Variants in PPP2R2C observed in about 807,000 individuals in gnomAD.
The protein encoded by PPP2R2C is protein phosphatase 2, regulatory subunit B, gamma.
A neutral mutation model predicts 45.3 loss-of-function variants in PPP2R2C; 10 were observed. That is an observed-to-expected ratio of 0.22 (90% CI 0.14 to 0.37). The LOEUF (loss-of-function observed/expected upper bound fraction) is 0.37, where lower values mean the gene tolerates loss of function less well. Ranked by LOEUF, PPP2R2C falls within the 10% of genes least tolerant of loss-of-function variation. The pLI, the probability that PPP2R2C is intolerant of heterozygous loss-of-function variation, is 1.00. For synonymous variants in PPP2R2C, 257 were observed against 245.4 expected (o/e 1.05, Z -0.44); for missense variants, 308 against 619.7 (o/e 0.50, Z 5.34).
intron 1 of PPP2R2C, among the ~76,000 whole-genome samples, chr4:6,549,186 C>T (rs1725096346): frequency 1.3e-5 from 2 of 152,130 alleles, no homozygotes; most frequent in Non-Finnish European, 2.9e-5. Flanking sequence ...TCTCACTTTG[C>T]CCCCCACAAA....
Position 6,542,051 on chromosome 4 carries a change from C to T in PPP2R2C, c.-58-6674G>A, listed in dbSNP as rs114396994. ...ATCCAGGAGCTAAGTCAAATGCACT[C>T]GTGATCACAATGAAAGACCACAGTA... is the stretch of plus-strand genomic sequence containing the variant. On this transcript the variant is annotated intron_variant, in intron 1 of 9. Transcript: ENST00000506140. 5.4e-3 allele frequency among the ~76,000 whole-genome samples: 830 copies of T among 152,350 alleles called. 6 individuals carry two copies. The highest frequency in any genetic ancestry group is 0.019 in the African/African-American group (770 of 41,582).
intron 1 of PPP2R2C, among the ~76,000 whole-genome samples, chr4:6,453,815 C>T (rs1720872419): frequency 6.6e-6 from 1 of 152,182 alleles, no homozygotes; most frequent in Non-Finnish European, 1.5e-5. Context: ...GCAAGCACAG[C>T]CCCACCGAGG....
At chr4:6,446,536 A>G (rs1720429675) in intron 1 of PPP2R2C, among the ~76,000 whole-genome samples, 1 of 152,182 alleles carries the variant, frequency 6.6e-6, no homozygotes, top group Non-Finnish European at 1.5e-5. Flanking sequence ...TGGCATAAAA[A>G]TCAGGTAAGA....
rs1560438575 is a variant in PPP2R2C, at chr4:6,324,601, C to T, written c.1053-1008G>A. Among the ~76,000 whole-genome samples the T allele has an allele frequency of 6.6e-6, 1 of 152,214 alleles. No homozygotes were observed. The highest frequency in any genetic ancestry group is 1.5e-5 in the Non-Finnish European group (1 of 68,040). On this transcript the variant is annotated intron_variant, in intron 8 of 8. Transcript: ENST00000382599. The surrounding 1 kb of genome is among the most constrained non-coding windows in gnomAD (Gnocchi z 4.1). Reference sequence around the variant, plus strand: ...GCTTCCCTCCAGGGGCCCGCCTGTCCCGAGGACTCGGGCGAATAAACAAAC... The same window carrying T: ...GCTTCCCTCCAGGGGCCCGCCTGTCTCGAGGACTCGGGCGAATAAACAAAC...
At chr4:6,446,341 G>A (rs1423470943) in intron 1 of PPP2R2C, among the ~76,000 whole-genome samples, 1 of 152,094 alleles carries the variant, frequency 6.6e-6, no homozygotes, top group East Asian at 1.9e-4. Context: ...ACGTTTTCCA[G>A]TCGTAGCTTC....
chr4:6,503,693 A>T (rs1723130106), intron 2 of PPP2R2C, among the ~76,000 whole-genome samples: 2 of 152,170 alleles, frequency 1.3e-5, no homozygotes, highest in African/African-American at 4.8e-5. Flanking sequence ...TGGCAACTTC[A>T]TTCCTAACAG....
chr4:6,562,814 C>T (rs1471139329), intron 1 of PPP2R2C, among the ~76,000 whole-genome samples: 2 of 152,120 alleles, frequency 1.3e-5, no homozygotes, highest in Non-Finnish European at 2.9e-5. Flanking sequence ...GGCAGCGTCT[C>T]GGGCCACAGA....
intron 1 of PPP2R2C, among the ~76,000 whole-genome samples, chr4:6,553,130 A>C (rs1725237706): frequency 6.6e-6 from 1 of 152,256 alleles, no homozygotes; most frequent in African/African-American, 2.4e-5. Context: ...ACCATGAGAC[A>C]GGATCCACTG....
intron 5 of PPP2R2C, among the ~76,000 whole-genome samples, chr4:6,362,697 G>C (rs1027517992): frequency 1.3e-5 from 2 of 152,186 alleles, no homozygotes; most frequent in African/African-American, 4.8e-5. Context: ...CCCACCTGGC[G>C]AGTGGTCATG....
Position 6,323,457 on chromosome 4 carries a change from C to G in PPP2R2C, c.1189G>C (p.Gly397Arg). ...VLKPRRVCVG[G>R]KRRRDDISVD... The stretch of plus-strand genomic sequence containing the variant: ...CTGATGTCATCACGCCGGCGCTTGC[C>G]CCCCACGCACACGCGCCGTGGCTTG... The change falls in exon 9 of 9, where the codon GGC (glycine) becomes CGC (arginine). Residue 397 changes from glycine (G) to arginine (R), a missense_variant. Transcript: ENST00000382599. The G allele has an allele frequency of 6.2e-7, 1 of 1,613,220 alleles. No homozygotes were observed. The highest frequency in any genetic ancestry group is 1.1e-5 in the South Asian group (1 of 91,064).
At chr4:6,548,214 T>C (rs914905738) in intron 1 of PPP2R2C, among the ~76,000 whole-genome samples, 19 of 148,870 alleles carry the variant, frequency 1.3e-4, no homozygotes, top group African/African-American at 4.2e-4. Context: ...TGAGACTCTG[T>C]CTTAAAAGAA....
intron 1 of PPP2R2C, among the ~76,000 whole-genome samples, chr4:6,404,892 C>G (rs1717693591): frequency 6.6e-6 from 1 of 152,244 alleles, no homozygotes; most frequent in African/African-American, 2.4e-5. Flanking sequence ...GTCAGGTCCG[C>G]CCTGCCCCGT....
At chr4:6,400,088 A>C (rs1039721167) in intron 1 of PPP2R2C, among the ~76,000 whole-genome samples, 5 of 152,132 alleles carry the variant, frequency 3.3e-5, no homozygotes, top group African/African-American at 1.2e-4. Context: ...CCATCACCTA[A>C]ATCAGCAGTT....
rs111531585 is a variant in PPP2R2C, at chr4:6,408,247, A to T, written c.71-27153T>A. Among the ~76,000 whole-genome samples the T allele has an allele frequency of 2.2e-3, 328 of 152,328 alleles. 2 individuals are homozygous for T. Among genetic ancestry groups the T allele is most frequent in the African/African-American group, 7.6e-3 (315 of 41,572 alleles). ...AATGGCAGAAGAGACCTAGACCCCC[A>T]AAAGGATGCAAAAACCCCCACCAGG... On this transcript the variant is annotated intron_variant, in intron 1 of 8. Coordinates refer to ENST00000382599, the MANE Select transcript of PPP2R2C (RefSeq NM_020416.4).
chr4:6,542,593 C>T (rs868199521), intron 1 of PPP2R2C, among the ~76,000 whole-genome samples: 7 of 151,086 alleles, frequency 4.6e-5, no homozygotes, highest in Middle Eastern at 3.4e-3. Flanking sequence ...ATCCCAGATA[C>T]TAGGGAGGCT....
intron 1 of PPP2R2C, among the ~76,000 whole-genome samples, chr4:6,390,431 C>T (rs1018476579): frequency 2.6e-5 from 4 of 152,310 alleles, no homozygotes; most frequent in Admixed American, 6.5e-5. Flanking sequence ...GCACAGCCAC[C>T]GGCAGGTAGA....
intron 1 of PPP2R2C, among the ~76,000 whole-genome samples, chr4:6,404,225 C>T (rs1717638707): frequency 6.6e-6 from 1 of 152,114 alleles, no homozygotes; most frequent in Non-Finnish European, 1.5e-5. Flanking sequence ...AGAGGTCCCC[C>T]CCTCCCATAC....
chr4:6,437,142 G>C lies in PPP2R2C; in HGVS notation c.70+35018C>G, dbSNP rs117892553. Among the ~76,000 whole-genome samples, 286 of 152,294 alleles carry C rather than the reference G, an allele frequency of 1.9e-3. 1 individual carries two copies. Among genetic ancestry groups the C allele is most frequent in the African/African-American group, 6.4e-3 (265 of 41,568 alleles). ...GGACTGTTACTTTGCCACTCTCAGC[G>C]TCATGGTGCACTGTGTCTTGCTTAT... On this transcript the variant is annotated intron_variant, in intron 1 of 8. Transcript: ENST00000382599.
intron 1 of PPP2R2C, chr4:6,383,284 C>A: frequency 8.0e-7 from 1 of 1,254,672 alleles, no homozygotes; most frequent in Non-Finnish European, 1.0e-6. Context: ...CCCCACTGAC[C>A]CACAGAGCAG....
Sources: gnomAD v4.1 joint callset for allele counts (sites outside exome capture counted in the v4.1 genomes callset) on GRCh38, gnomAD v4.1.1 for gene constraint, Gnocchi (gnomAD v3.1) non-coding constraint, MANE v1.5 for transcripts, NCBI Gene and HGNC (gene_info 2026-07-23, HGNC 2026-07-21) for gene names.